The following SPECC1 variants were observed in gnomAD, a reference collection of about 807,000 sequenced individuals.
SPECC1 encodes the protein sperm antigen with calponin homology and coiled-coil domains 1.
In SPECC1, 62 loss-of-function variants were observed where a neutral mutation model predicts 104.1. The ratio of observed to expected loss-of-function variants is 0.60; its 90% CI spans 0.49 to 0.74. The LOEUF (loss-of-function observed/expected upper bound fraction) is 0.74. SPECC1 is among the 30% of genes least tolerant of loss of function. SPECC1 has a pLI of 0.00. For missense variants in SPECC1, 1,306 were observed against 1,310.5 expected, an observed-to-expected ratio of 1.00 and a Z score of 0.05; for synonymous variants, 513 against 501.6, an observed-to-expected ratio of 1.02 and a Z score of -0.30.
chr17:20,101,854 A>G (rs2047960534), intron 2 of SPECC1, among the ~76,000 whole-genome samples: 1 of 152,194 alleles, frequency 6.6e-6, no homozygotes, highest in African/African-American at 2.4e-5. Context: ...CATGTTATCC[A>G]CCAGTAACGA....
At chr17:20,188,375 A>G (rs2151269794) in intron 3 of SPECC1, among the ~76,000 whole-genome samples, 1 of 151,410 alleles carries the variant, frequency 6.6e-6, no homozygotes, top group Non-Finnish European at 1.5e-5. Context: ...TCTCCTGTCT[A>G]AGCCTCCGGA....
chr17:20,317,871 C>T lies in SPECC1; in HGVS notation c.*3806C>T, dbSNP rs555402722. Reference sequence around the variant, plus strand: ...TAGTAGGGCTCCCCCAAGCCATCCGCTGGCGTGTGGAGGTGCAGGACCTGG... The same window carrying T: ...TAGTAGGGCTCCCCCAAGCCATCCGTTGGCGTGTGGAGGTGCAGGACCTGG... On this transcript the variant is annotated 3_prime_UTR_variant, in exon 15 of 15. Coordinates refer to ENST00000395527, the MANE Select transcript of SPECC1 (RefSeq NM_001243439.2). 5.7e-4 allele frequency: 129 copies of T among 226,550 alleles called. No homozygotes were observed. Among genetic ancestry groups the T allele is most frequent in the African/African-American group, 2.6e-3 (118 of 45,040 alleles). 14.0% of individuals were successfully genotyped at this position (226,550 alleles called of 1,614,324 possible). A position where few individuals can be genotyped will look rare whatever the true frequency, so the allele number is the denominator to read the frequency against.
chr17:20,189,702 G>C (rs1192302237), intron 3 of SPECC1, among the ~76,000 whole-genome samples: 1 of 152,268 alleles, frequency 6.6e-6, no homozygotes, highest in African/African-American at 2.4e-5. Context: ...CCTCTTTCTG[G>C]AGTGCTGTTC....
rs143077562 is a variant in SPECC1, at chr17:20,025,201, A to G, written c.-22+15777A>G. On this transcript the variant is annotated intron_variant, in intron 1 of 14. Transcript: ENST00000395527. ...GGGAGAAGATGGCCACCTGCCAGCC[A>G]AGGAGAGAGGCCTGGGACAGAGCCT... 3.4e-3 allele frequency among the ~76,000 whole-genome samples: 517 copies of G among 152,324 alleles called. 1 individual carries two copies. Among genetic ancestry groups the G allele is most frequent in the African/African-American group, 8.0e-3 (331 of 41,588 alleles).
chr17:20,155,917 C>T (rs1407560041), intron 3 of SPECC1: 8 of 1,203,920 alleles, frequency 6.6e-6, no homozygotes, highest in Non-Finnish European at 8.3e-6. Context: ...CGGGCCGCGC[C>T]TGGCGGGCGG....
intron 1 of SPECC1, among the ~76,000 whole-genome samples, chr17:20,034,617 T>C (rs1336596159): frequency 6.6e-6 from 1 of 151,426 alleles, no homozygotes; most frequent in Non-Finnish European, 1.5e-5. Flanking sequence ...TTTTTTTTTT[T>C]TTTTTGAGTT....
intron 3 of SPECC1, among the ~76,000 whole-genome samples, chr17:20,138,390 T>C (rs2030298227): frequency 6.6e-6 from 1 of 152,076 alleles, no homozygotes; most frequent in African/African-American, 2.4e-5. Context: ...CCAAAGTCCA[T>C]AGTTTAAGTT....
At chr17:20,185,265 A>T (rs1209467590) in intron 3 of SPECC1, 1 of 152,240 alleles carries the variant, frequency 6.6e-6, no homozygotes, top group African/African-American at 2.4e-5. Flanking sequence ...CTACTTCTTG[A>T]ATTTGGGCAG....
intron 1 of SPECC1, among the ~76,000 whole-genome samples, chr17:20,087,924 A>C (rs1029194790): frequency 6.6e-6 from 1 of 152,198 alleles, no homozygotes; most frequent in African/African-American, 2.4e-5. Context: ...ACCTTGGAGC[A>C]GAGACTGACC....
chr17:20,153,556 G>C (rs1217237523), intron 3 of SPECC1, among the ~76,000 whole-genome samples: 1 of 152,154 alleles, frequency 6.6e-6, no homozygotes, highest in Non-Finnish European at 1.5e-5. Context: ...GACAAGAGAG[G>C]CAAAGTCTGG....
chr17:20,074,791 G>A (rs1486448410), intron 1 of SPECC1, among the ~76,000 whole-genome samples: 1 of 152,154 alleles, frequency 6.6e-6, no homozygotes, highest in Non-Finnish European at 1.5e-5. Flanking sequence ...AGCCCCCAAG[G>A]CAGGAGAGGG....
intron 1 of SPECC1, among the ~76,000 whole-genome samples, chr17:20,051,921 G>T (rs560413079): frequency 2.2e-4 from 34 of 152,282 alleles, no homozygotes; most frequent in Admixed American, 1.0e-3. Context: ...CATGCAGGTT[G>T]TGTGGCCCTG....
chr17:20,219,780 A>G (rs1031655767), intron 4 of SPECC1, among the ~76,000 whole-genome samples: 3 of 152,088 alleles, frequency 2.0e-5, no homozygotes, highest in Admixed American at 6.6e-5. Context: ...AGTTTCCCCA[A>G]TGTTGTTGGT....
intron 3 of SPECC1, among the ~76,000 whole-genome samples, chr17:20,149,958 T>C (rs1004108273): frequency 2.0e-5 from 3 of 152,160 alleles, no homozygotes; most frequent in African/African-American, 7.2e-5. Context: ...TTTGTGTATA[T>C]TTGTAACTAT....
chr17:20,315,973 G>A lies in SPECC1; in HGVS notation c.*1908G>A, dbSNP rs1447238495. 3 of 232,632 alleles carry A rather than the reference G, an allele frequency of 1.3e-5. No individual in the cohort carries two copies. Among genetic ancestry groups the A allele is most frequent in the Non-Finnish European group, 1.7e-5 (2 of 117,706 alleles). The allele number at this position is 232,632 out of a possible 1,614,324, so 14.4% of individuals were successfully genotyped here. On this transcript the variant is annotated 3_prime_UTR_variant, in exon 15 of 15. Coordinates refer to ENST00000395527, the MANE Select transcript of SPECC1 (RefSeq NM_001243439.2). The stretch of plus-strand genomic sequence containing the variant: ...TTCTTTAGGCGACTGAAGCACAGCT[G>A]CTTGGAGAACCACTGAGGGGTGGAC...
At chr17:20,290,653 T>C (rs2041132678) in intron 12 of SPECC1, among the ~76,000 whole-genome samples, 1 of 152,226 alleles carries the variant, frequency 6.6e-6, no homozygotes, top group Non-Finnish European at 1.5e-5. Context: ...TAGCTGGGAT[T>C]ACAGGCACAC....
At chr17:20,202,374 A>G (rs1383773058) in intron 3 of SPECC1, among the ~76,000 whole-genome samples, 1 of 152,158 alleles carries the variant, frequency 6.6e-6, no homozygotes, top group African/African-American at 2.4e-5. Flanking sequence ...GTGCAGTACC[A>G]CAAACCTTGA....
At chr17:20,083,953 T>C (rs1226626841) in intron 1 of SPECC1, among the ~76,000 whole-genome samples, 3 of 152,236 alleles carry the variant, frequency 2.0e-5, no homozygotes, top group Non-Finnish European at 2.9e-5. Context: ...ATAGCTCTTA[T>C]GGTTTCAATT....
intron 1 of SPECC1, among the ~76,000 whole-genome samples, chr17:20,037,273 T>C (rs926549258): frequency 1.3e-5 from 2 of 152,094 alleles, no homozygotes; most frequent in Non-Finnish European, 2.9e-5. Context: ...CAGTTTATTT[T>C]TGTTTTTTTT....
Sources: gnomAD v4.1 joint callset for allele counts (sites outside exome capture counted in the v4.1 genomes callset) on GRCh38, gnomAD v4.1.1 for gene constraint, MANE v1.5 for transcripts, NCBI Gene and HGNC (gene_info 2026-07-23, HGNC 2026-07-21) for gene names.